Variants in TNN observed in about 807,000 individuals in gnomAD.
The protein encoded by TNN is tenascin-N.
TNN carries 122 observed loss-of-function variants against 134.4 expected under a neutral mutation model. The ratio of observed to expected loss-of-function variants is 0.91; its 90% CI spans 0.78 to 1.06. The LOEUF is 1.06. Ranked by LOEUF, TNN falls within the 50% of genes least tolerant of loss-of-function variation. The probability of loss-of-function intolerance (pLI) is 0.00; values close to 1 mark genes in which losing one functional copy is unlikely to be tolerated. For synonymous variants in TNN, 710 were observed against 670.3 expected, an observed-to-expected ratio of 1.06 and a Z score of -0.91; for missense variants, 1,739 against 1,699.4, an observed-to-expected ratio of 1.02 and a Z score of -0.41.
In TNN at chr1:175,098,411, C is replaced by T. The variant is rs143826266; in HGVS notation, c.1935C>T (p.Ala645=). The change falls in exon 9 of 19, where the codon GCC becomes GCT. Residue 645 remains alanine, a synonymous_variant. Transcript: ENST00000239462. ...CGGTCTCCTGGGACCCGGTGCAGGCCGCCATTGACAAGTACGTGGTGCGCT... is the reference window on the plus strand; with the variant it reads ...CGGTCTCCTGGGACCCGGTGCAGGCTGCCATTGACAAGTACGTGGTGCGCT... ...MATVSWDPVQ[A]AIDKYVVRYT... 2,762 of 1,614,138 alleles carry T rather than the reference C, an allele frequency of 1.7e-3. 4 individuals are homozygous for T. The highest frequency in any genetic ancestry group is 2.1e-3 in the Non-Finnish European group (2,528 of 1,180,038).
intron 5 of TNN, among the ~76,000 whole-genome samples, chr1:175,084,305 A>AAGAGAG (rs758972317): frequency 6.6e-6 from 1 of 151,678 alleles, no homozygotes; most frequent in Non-Finnish European, 1.5e-5. Context: ...AGGGAACAGA[A>AAGAGAG]AGAGAGAGAG....
rs551517720 is a variant in TNN, at chr1:175,116,941, A to G, written c.2122A>G (p.Ile708Val). The change falls in exon 10 of 19, where the codon ATT (isoleucine) becomes GTT (valine). Residue 708 changes from isoleucine to valine, a missense_variant and splice_region_variant. Physicochemically the swap from Ile to Val is conservative, Grantham distance 29. Transcript: ENST00000239462. ...TGATCAGCAATTTTTTTTTTCAGAC[A>G]TTGACAGCCCCCAAAACCTGGTGAC... ...KKADTKAQTD[I>V]DSPQNLVTDR... The G allele has an allele frequency of 6.2e-6, 10 of 1,613,466 alleles. No homozygotes were observed. The highest frequency in any genetic ancestry group is 7.6e-6 in the Non-Finnish European group (9 of 1,179,884).
chr1:175,100,480 A>C (rs968738009), intron 9 of TNN, among the ~76,000 whole-genome samples: 1 of 152,184 alleles, frequency 6.6e-6, no homozygotes, highest in Admixed American at 6.6e-5. Context: ...GTCCCACCTC[A>C]CTGGCTTCTC....
chr1:175,117,155 C>T lies in TNN; in HGVS notation c.2336C>T (p.Ala779Val). The change falls in exon 10 of 19, where the codon GCC becomes GTC. Residue 779 changes from alanine (A) to valine (V), a missense_variant. Transcript: ENST00000239462. ...GTGGAGTACACGGTGCACGTGTGGG[C>T]CCAGAAGGGGGCCCAGGAGAGCAAG... Reference protein sequence around the residue: ...PGVEYTVHVWAQKGAQESKKA... With the variant: ...PGVEYTVHVWVQKGAQESKKA... The T allele has an allele frequency of 6.2e-7, 1 of 1,614,224 alleles. No individual in the cohort carries two copies. Among genetic ancestry groups the T allele is most frequent in the Admixed American group, 1.7e-5 (1 of 60,028 alleles).
intron 6 of TNN, among the ~76,000 whole-genome samples, chr1:175,088,394 CAAA>C (rs1674367995): frequency 6.6e-6 from 1 of 152,180 alleles, no homozygotes; most frequent in Admixed American, 6.6e-5. Flanking sequence ...GACCCAAAAC[CAAA>C]CATGTGTTTC....
At chr1:175,117,353 T>C in intron 10 of TNN, 148 bp downstream of exon 10, 2 of 1,341,506 alleles carry the variant, frequency 1.5e-6, no homozygotes, top group Non-Finnish European at 2.0e-6. Flanking sequence ...GCACACACCA[T>C]CCCTCATTTT....
chr1:175,081,047 G>A (rs1012199745), intron 4 of TNN, among the ~76,000 whole-genome samples: 1 of 152,172 alleles, frequency 6.6e-6, no homozygotes, highest in Non-Finnish European at 1.5e-5. Context: ...GCAGTCCACC[G>A]TGTCTCCAAA....
chr1:175,127,089 C>T lies in TNN; in HGVS notation c.3045+4C>T, dbSNP rs138721282. On this transcript the variant is annotated splice_donor_region_variant and intron_variant, in intron 13 of 18. Coordinates refer to ENST00000239462, the MANE Select transcript of TNN (RefSeq NM_022093.2). ...GTTCCCAGATGGCACAGTTAAGGTACGGGGATTCCTTGTCTTTTCTCCTGG... is the reference window on the plus strand; with the variant it reads ...GTTCCCAGATGGCACAGTTAAGGTATGGGGATTCCTTGTCTTTTCTCCTGG... 49 of 1,611,780 alleles carry T rather than the reference C, an allele frequency of 3.0e-5. No individual in the cohort carries two copies. The East Asian group carries it at 7.8e-4, about 26-fold the overall frequency.
At chr1:175,109,072 ATT>A (rs1160268455) in intron 9 of TNN, among the ~76,000 whole-genome samples, 130 of 61,954 alleles carry the variant, frequency 2.1e-3, no homozygotes, top group Middle Eastern at 0.01. Context: ...ATCTAACTGT[ATT>A]TTTTTTTTTT....
intron 9 of TNN, among the ~76,000 whole-genome samples, chr1:175,112,719 G>A (rs757502223): frequency 7.0e-6 from 1 of 142,384 alleles, no homozygotes. Flanking sequence ...TCAGGTTCAA[G>A]TGATTCTCCC....
intron 15 of TNN, 46 bp from the exon 16 acceptor site, chr1:175,135,799 A>G (rs1368162793): frequency 2.0e-6 from 3 of 1,467,712 alleles, no homozygotes; most frequent in East Asian, 4.5e-5. Context: ...CCCAGCACCT[A>G]TGTCTGTTTG....
At chr1:175,123,742 G>A in intron 12 of TNN, 79 bp downstream of exon 12, 5 of 1,579,346 alleles carry the variant, frequency 3.2e-6, no homozygotes, top group Non-Finnish European at 4.3e-6. Flanking sequence ...GCTGGGGAGG[G>A]GAGCAGGAGG....
At chr1:175,083,662 A>T (rs1389499028) in intron 4 of TNN, 88 bp from the exon 5 acceptor site, 2 of 1,264,086 alleles carry the variant, frequency 1.6e-6, no homozygotes, top group Non-Finnish European at 2.2e-6. Context: ...CAAGAAAGGG[A>T]GCTGACCTGA....
chr1:175,083,417 G>A (rs756102987), intron 4 of TNN, among the ~76,000 whole-genome samples: 5 of 152,222 alleles, frequency 3.3e-5, no homozygotes, highest in Non-Finnish European at 5.9e-5. Flanking sequence ...AGCTGTCAGA[G>A]CTCTGGACTG....
chr1:175,124,718 CCT>C (rs1675465554), intron 12 of TNN, among the ~76,000 whole-genome samples: 1 of 150,030 alleles, frequency 6.7e-6, no homozygotes, highest in African/African-American at 2.5e-5. Flanking sequence ...CAAACAAACT[CCT>C]CTCTCTGTCC....
At chr1:175,111,088 C>T (rs1000886670) in intron 9 of TNN, among the ~76,000 whole-genome samples, 2 of 152,002 alleles carry the variant, frequency 1.3e-5, no homozygotes, top group African/African-American at 2.4e-5. Context: ...GAGGCCAAGG[C>T]AGGTGGATCA....
Position 175,117,148 on chromosome 1 carries a change from G to A in TNN, c.2329G>A (p.Val777Met), listed in dbSNP as rs147066934. 217 of 1,614,162 alleles carry A rather than the reference G, an allele frequency of 1.3e-4. No homozygotes were observed. The highest frequency in any genetic ancestry group is 8.2e-4 in the Middle Eastern group (5 of 6,084). The change falls in exon 10 of 19, where the codon GTG becomes ATG. Residue 777 changes from valine (V) to methionine (M), a missense_variant. Transcript: ENST00000239462. ...LRPGVEYTVH[V>M]WAQKGAQESK... is the part of the protein sequence containing the mutation. Reference sequence around the variant, plus strand: ...GCCGGGTGTGGAGTACACGGTGCACGTGTGGGCCCAGAAGGGGGCCCAGGA... The same window carrying A: ...GCCGGGTGTGGAGTACACGGTGCACATGTGGGCCCAGAAGGGGGCCCAGGA...
chr1:175,079,265 T>A, intron 2 of TNN, 68 bp from the exon 3 acceptor site: 1 of 1,500,258 alleles, frequency 6.7e-7, no homozygotes, highest in Admixed American at 2.2e-5. Context: ...GCATGGCTGA[T>A]CTCAGAGGAA....
At chr1:175,122,677 A>G (rs1208480402) in intron 11 of TNN, among the ~76,000 whole-genome samples, 1 of 152,248 alleles carries the variant, frequency 6.6e-6, no homozygotes, top group Non-Finnish European at 1.5e-5. Flanking sequence ...TGTGTGGCAT[A>G]GAAAGATGCA....
Sources: allele counts gnomAD v4.1 joint callset (sites outside exome capture counted in the v4.1 genomes callset), GRCh38; gene constraint gnomAD v4.1.1; transcripts MANE v1.5; gene names NCBI Gene and HGNC (gene_info 2026-07-23, HGNC 2026-07-21).